The following DOC2B variants were observed in gnomAD, a reference collection of about 807,000 sequenced individuals.
DOC2B encodes double C2-like domain-containing protein beta.
In DOC2B, 21 loss-of-function variants were observed where a neutral mutation model predicts 28.9. The ratio of observed to expected loss-of-function variants is 0.73; its 90% CI spans 0.52 to 1.05. The LOEUF (loss-of-function observed/expected upper bound fraction) is 1.05, where lower values mean the gene tolerates loss of function less well. Ranked by LOEUF, DOC2B falls within the 50% of genes least tolerant of loss-of-function variation. The pLI is 0.00. For synonymous variants in DOC2B, 194 were observed against 178.1 expected (o/e 1.09, Z -0.71); for missense variants, 384 against 421.1 (o/e 0.91, Z 0.77).
At chr17:159,845 G>A (rs959628706) in intron 5 of DOC2B, among the ~76,000 whole-genome samples, 2 of 148,174 alleles carry the variant, frequency 1.3e-5, no homozygotes, top group African/African-American at 4.9e-5. Context: ...GACACGTACT[G>A]ACATATGCTC....
chr17:164,312 C>G (rs1335537853), intron 2 of DOC2B, 108 bp from the exon 3 acceptor site: 35 of 853,120 alleles, frequency 4.1e-5, no homozygotes, highest in Non-Finnish European at 6.4e-5. Context: ...CCATTCATGG[C>G]CCCTTTCACA....
Position 162,086 on chromosome 17 carries a change from G to A in DOC2B, c.633C>T (p.Thr211=), listed in dbSNP as rs1051093324. ...GITDEDMIRK[T]LRISVCDEDK... is the part of the protein sequence containing the mutation. ...GGCCTGGGACCCTCACCCACCGCAG[G>A]GTCTTGCGGATCATGTCTTCATCTG... is the stretch of plus-strand genomic sequence containing the variant. The change falls in exon 4 of 9, where the codon ACC becomes ACT. Residue 211 remains threonine, a synonymous_variant. Transcript: ENST00000613549. 7 of 1,550,544 alleles carry A rather than the reference G, an allele frequency of 4.5e-6. No homozygotes were observed. The African/African-American group carries it at 9.6e-5, about 21-fold the overall frequency.
chr17:147,195 T>G lies in DOC2B; in HGVS notation c.*246A>C, dbSNP rs1224871873. ...CCCCTGGGCAGGTGCTGAGGTCTCT[T>G]TCCACCACCGGCCTCTTGGGCCCCA... On this transcript the variant is annotated 3_prime_UTR_variant, in exon 9 of 9. Coordinates refer to ENST00000613549, the MANE Select transcript of DOC2B (RefSeq NM_003585.5). 2.4e-5 allele frequency: 9 copies of G among 377,024 alleles called. No homozygotes were observed. Among genetic ancestry groups the G allele is most frequent in the African/African-American group, 4.2e-5 (2 of 48,106 alleles). 23.4% of individuals were successfully genotyped at this position (377,024 alleles called of 1,614,324 possible).
intron 2 of DOC2B, among the ~76,000 whole-genome samples, chr17:170,879 G>C (rs1482826740): frequency 3.1e-3 from 84 of 27,458 alleles, no homozygotes; most frequent in African/African-American, 7.8e-3. Context: ...CTGCAGAGGG[G>C]AGCACCAGGG....
chr17:179,890 C>G (rs1377284805), intron 1 of DOC2B, among the ~76,000 whole-genome samples: 1 of 152,280 alleles, frequency 6.6e-6, no homozygotes, highest in African/African-American at 2.4e-5. Context: ...TCTAACCGGC[C>G]ACTGCTGATG....
rs983384676 is a variant in DOC2B at position 180,952 on chromosome 17, G to A, written c.373+155C>T. Among the ~76,000 whole-genome samples the A allele has an allele frequency of 1.3e-5, 2 of 151,836 alleles. 1 individual carries two copies. The highest frequency in any genetic ancestry group is 1.3e-4 in the Admixed American group (2 of 15,268). ...GTGGGCAGGGCGCGGAGAGCGCACCGAGTGCGCCAGGGGCCCGCAAGCCCG... is the reference window on the plus strand; with the variant it reads ...GTGGGCAGGGCGCGGAGAGCGCACCAAGTGCGCCAGGGGCCCGCAAGCCCG... On this transcript the variant is annotated intron_variant, in intron 1 of 8. Coordinates refer to ENST00000613549, the MANE Select transcript of DOC2B (RefSeq NM_003585.5).
intron 2 of DOC2B, among the ~76,000 whole-genome samples, chr17:170,102 G>T (rs1337812236): frequency 6.6e-6 from 1 of 152,170 alleles, no homozygotes; most frequent in Non-Finnish European, 1.5e-5. Flanking sequence ...CACCTCTCCA[G>T]TCCCCAGGCC....
chr17:169,942 G>A (rs1032516615), intron 2 of DOC2B, among the ~76,000 whole-genome samples: 9 of 152,198 alleles, frequency 5.9e-5, no homozygotes, highest in African/African-American at 1.2e-4. Flanking sequence ...ATGTGTGCAC[G>A]CACGGTACCA....
intron 1 of DOC2B, among the ~76,000 whole-genome samples, chr17:180,494 C>G (rs950093078): frequency 6.6e-6 from 1 of 152,034 alleles, no homozygotes; most frequent in African/African-American, 2.4e-5. Flanking sequence ...CCATGGACAC[C>G]GGAGGAGGAA....
chr17:149,007 G>C, intron 7 of DOC2B, 104 bp downstream of exon 7: 1 of 393,022 alleles, frequency 2.5e-6, no homozygotes, highest in Non-Finnish European at 4.5e-6. Context: ...CACCGTCTCT[G>C]ACCACCCTCC....
chr17:170,627 T>C (rs1383921307), intron 2 of DOC2B, among the ~76,000 whole-genome samples: 1 of 152,180 alleles, frequency 6.6e-6, no homozygotes, highest in Non-Finnish European at 1.5e-5. Context: ...ATGCAGGCCC[T>C]TACCTTGCGA....
Position 176,696 on chromosome 17 carries a change from G to A in DOC2B, c.374-4080C>T, listed in dbSNP as rs573044194. Among the ~76,000 whole-genome samples, 3 of 152,354 alleles carry A rather than the reference G, an allele frequency of 2.0e-5. No homozygotes were observed. In the East Asian group the frequency reaches 5.8e-4, roughly 29 times the overall value. On this transcript the variant is annotated intron_variant, in intron 1 of 8. Coordinates refer to ENST00000613549, the MANE Select transcript of DOC2B (RefSeq NM_003585.5). ...AGCACCTTGGGCTTGTGCTGGGCGT[G>A]AGGAGGGCCCTAAGGGCAGGAGAAG...
In DOC2B at chr17:146,111, G is replaced by A. The variant is rs1351696490; in HGVS notation, c.*1330C>T. On this transcript the variant is annotated 3_prime_UTR_variant, in exon 9 of 9. Transcript: ENST00000613549. ...AGCAGACAGGCCCACCAGCCAGGGT[G>A]ATTCTTGCTCAGCTCCTGGAGGGTG... 3.3e-5 allele frequency: 5 copies of A among 152,298 alleles called. No individual in the cohort carries two copies. Among genetic ancestry groups the A allele is most frequent in the African/African-American group, 1.2e-4 (5 of 41,454 alleles). The allele number at this position is 152,298 out of a possible 1,614,324, so 9.4% of individuals were successfully genotyped here. A position where few individuals can be genotyped will look rare whatever the true frequency, so the allele number is the denominator to read the frequency against.
chr17:160,256 C>G (rs2040185928), intron 5 of DOC2B, among the ~76,000 whole-genome samples: 1 of 152,090 alleles, frequency 6.6e-6, no homozygotes, highest in African/African-American at 2.4e-5. Flanking sequence ...TGTTGCCTTT[C>G]TTAAGTGACA....
At chr17:166,096 C>G (rs1345317427) in intron 2 of DOC2B, among the ~76,000 whole-genome samples, 1 of 152,208 alleles carries the variant, frequency 6.6e-6, no homozygotes, top group Non-Finnish European at 1.5e-5. Flanking sequence ...GTCCTTCAGA[C>G]CCCGGGACTG....
In DOC2B at chr17:147,109, G is replaced by T; in HGVS notation, c.*332C>A. 4.1e-6 allele frequency: 1 copy of T among 242,318 alleles called. No homozygotes were observed. Among genetic ancestry groups the T allele is most frequent in the Non-Finnish European group, 7.9e-6 (1 of 127,158 alleles). The allele number at this position is 242,318 out of a possible 1,614,324, so 15.0% of individuals were successfully genotyped here. On this transcript the variant is annotated 3_prime_UTR_variant, in exon 9 of 9. Transcript: ENST00000613549. ...TCCGCCAAGGCGCCCCCACACTCCT[G>T]TCCTCTCAGCCGGGGCTGGCCTCTA...
At chr17:153,054 C>T (rs1431942277) in intron 6 of DOC2B, among the ~76,000 whole-genome samples, 1 of 152,148 alleles carries the variant, frequency 6.6e-6, no homozygotes, top group East Asian at 1.9e-4. Flanking sequence ...GAGCAGCAGC[C>T]GTCGTGTCTC....
At chr17:161,605 T>C (rs755047261) in intron 4 of DOC2B, 64 bp from the exon 5 acceptor site, 10 of 1,544,076 alleles carry the variant, frequency 6.5e-6, no homozygotes, top group Non-Finnish European at 8.8e-6. Flanking sequence ...GGTGGAGGTG[T>C]GCGCAGGTAG....
At position 181,506 on chromosome 17, in the gene DOC2B, G is replaced by A. The variant is rs901538283; in HGVS notation, c.-27C>T. 64 of 1,001,958 alleles carry A rather than the reference G, an allele frequency of 6.4e-5. No individual in the cohort carries two copies. The highest frequency in any genetic ancestry group is 7.4e-5 in the Non-Finnish European group (62 of 842,948). The allele number at this position is 1,001,958 out of a possible 1,614,324, so 62.1% of individuals were successfully genotyped here. A position where few individuals can be genotyped will look rare whatever the true frequency, so the allele number is the denominator to read the frequency against. Reference sequence around the variant, plus strand: ...CAGGCAGCGCCGCCCCGCCCCGGGCGCGGCCCGGCCCGGCGCGACCCCGGC... The same window carrying A: ...CAGGCAGCGCCGCCCCGCCCCGGGCACGGCCCGGCCCGGCGCGACCCCGGC... On this transcript the variant is annotated 5_prime_UTR_variant, in exon 1 of 9. Transcript: ENST00000613549. This position sits in a 1 kb window ranked among gnomAD's most constrained non-coding sequence, Gnocchi z 7.0.
Sources: gnomAD v4.1 joint callset for allele counts (sites outside exome capture counted in the v4.1 genomes callset) on GRCh38, gnomAD v4.1.1 for gene constraint, Gnocchi (gnomAD v3.1) non-coding constraint, MANE v1.5 for transcripts, NCBI Gene and HGNC (gene_info 2026-07-23, HGNC 2026-07-21) for gene names.